NRG1: variants seen among roughly 807,000 people sequenced by gnomAD.
NRG1 encodes neuregulin 1.
In NRG1, 18 loss-of-function variants were observed where a neutral mutation model predicts 63.8. The observed-to-expected ratio is 0.28, with a 90% CI of 0.19 to 0.42. The LOEUF (loss-of-function observed/expected upper bound fraction) is 0.42. Among genes scored for constraint, NRG1 ranks in the 10% least tolerant of loss-of-function variants. The pLI is 1.00. For synonymous variants in NRG1, 302 were observed against 301.3 expected, an observed-to-expected ratio of 1.00 and a Z score of -0.02; for missense variants, 762 against 814.7, an observed-to-expected ratio of 0.94 and a Z score of 0.79.
In NRG1 at chr8:31,640,286, C is replaced by T; in HGVS notation, c.37+855C>T. The T allele has an allele frequency of 9.6e-7, 1 of 1,039,832 alleles. No homozygotes were observed. 64.4% of individuals were successfully genotyped at this position (1,039,832 alleles called of 1,614,324 possible). Reference sequence around the variant, plus strand: ...CAGCAGGGGGCACTCGACAGGAAGGCGGCGGCGGCGGCGGGCGAGGCAGGG... The same window carrying T: ...CAGCAGGGGGCACTCGACAGGAAGGTGGCGGCGGCGGCGGGCGAGGCAGGG... On this transcript the variant is annotated intron_variant, in intron 1 of 10. Coordinates refer to the NRG1 transcript ENST00000519301. This position sits in a 1 kb window ranked among gnomAD's most constrained non-coding sequence, Gnocchi z 6.3.
At chr8:31,648,599 C>T (rs1224466387) in intron 1 of NRG1, among the ~76,000 whole-genome samples, 2 of 152,160 alleles carry the variant, frequency 1.3e-5, no homozygotes, top group Non-Finnish European at 2.9e-5. Flanking sequence ...AAACACTATT[C>T]TACTGTTTGC....
At chr8:31,956,848 T>G (rs934758828) in intron 1 of NRG1, among the ~76,000 whole-genome samples, 5 of 152,220 alleles carry the variant, frequency 3.3e-5, no homozygotes, top group Non-Finnish European at 5.9e-5. Context: ...ATAAAAGATG[T>G]ATAATAATCT....
At position 32,629,226 on chromosome 8, in the gene NRG1, A is replaced by G. The variant is rs577505831; in HGVS notation, c.502+12341A>G. On this transcript the variant is annotated intron_variant, in intron 5 of 11. Coordinates refer to ENST00000356819, the Ensembl canonical transcript of NRG1. ...TCAAACCTTGTATTATTTTGTAGTT[A>G]TACTCAGATGTTAGACTATCTTCTA... 2.0e-5 allele frequency among the ~76,000 whole-genome samples: 3 copies of G among 152,302 alleles called. No individual in the cohort carries two copies. In the South Asian group the frequency reaches 6.2e-4, roughly 32 times the overall value.
At chr8:32,548,655 C>A in exon 1 of NRG1, 1 of 1,505,432 alleles carries the variant, frequency 6.6e-7, no homozygotes, top group East Asian at 2.6e-5. Flanking sequence ...TTTCCCAAAC[C>A]CGATCCGAGC....
chr8:31,678,436 T>G (rs571717356), intron 1 of NRG1, among the ~76,000 whole-genome samples: 7 of 152,250 alleles, frequency 4.6e-5, no homozygotes, highest in African/African-American at 1.7e-4. Context: ...ACCACCTTTG[T>G]GTCCATTGAA....
At chr8:32,103,643 T>A (rs1585312041) in intron 1 of NRG1, among the ~76,000 whole-genome samples, 1 of 152,344 alleles carries the variant, frequency 6.6e-6, no homozygotes, top group Non-Finnish European at 1.5e-5. Context: ...TCATTTACAT[T>A]CCTAGTGGCT....
chr8:32,156,235 G>C (rs1315198912), intron 1 of NRG1, among the ~76,000 whole-genome samples: 1 of 152,164 alleles, frequency 6.6e-6, no homozygotes, highest in East Asian at 1.9e-4. Context: ...GCTCCTCCAT[G>C]ATTTACCTAG....
At chr8:32,741,026 TC>T (rs1397671782) in intron 6 of NRG1, among the ~76,000 whole-genome samples, 1 of 152,120 alleles carries the variant, frequency 6.6e-6, no homozygotes, top group Non-Finnish European at 1.5e-5. Flanking sequence ...GTATATTGCT[TC>T]CTAGAACCTT....
intron 1 of NRG1, among the ~76,000 whole-genome samples, chr8:32,430,305 T>G (rs1377899441): frequency 6.6e-6 from 1 of 152,186 alleles, no homozygotes; most frequent in East Asian, 1.9e-4. Flanking sequence ...AAACAGGGAA[T>G]GTTATAATAT....
chr8:32,721,927 A>C, intron 5 of NRG1: 4 of 1,514,608 alleles, frequency 2.6e-6, no homozygotes, highest in Non-Finnish European at 3.5e-6. Context: ...CATTATACCT[A>C]ATTGCAAAGG....
At chr8:32,763,239 A>G (rs1831034325) in intron 11 of NRG1, 1 of 1,614,056 alleles carries the variant, frequency 6.2e-7, no homozygotes, top group Non-Finnish European at 8.5e-7. Context: ...TAGCTGAGCT[A>G]AGGAGAAACA....
At chr8:31,925,125 CAT>C (rs962426257) in intron 1 of NRG1, among the ~76,000 whole-genome samples, 3 of 5,494 alleles carry the variant, frequency 5.5e-4, no homozygotes, top group African/African-American at 5.7e-3. Context: ...TATATAATGA[CAT>C]ATATATGTGT....
At chr8:32,124,608 C>T (rs986969036) in intron 1 of NRG1, among the ~76,000 whole-genome samples, 3 of 151,956 alleles carry the variant, frequency 2.0e-5, no homozygotes, top group Admixed American at 1.3e-4. Context: ...TCCACTGACA[C>T]CCCCTTGTGC....
At chr8:31,714,678 C>T (rs141682615) in intron 1 of NRG1, among the ~76,000 whole-genome samples, 11 of 152,240 alleles carry the variant, frequency 7.2e-5, no homozygotes, top group African/African-American at 2.6e-4. Flanking sequence ...ATGCATCTAT[C>T]CATGTATCTA....
chr8:32,265,894 G>A (rs1364134089), intron 1 of NRG1, among the ~76,000 whole-genome samples: 3 of 151,996 alleles, frequency 2.0e-5, no homozygotes, highest in Non-Finnish European at 4.4e-5. Context: ...TATTTAGATA[G>A]CATTTATGTT....
intron 1 of NRG1, among the ~76,000 whole-genome samples, chr8:32,337,653 CAAAAAAAAAAAAAAAAAA>C (rs71208174): frequency 4.0e-5 from 1 of 24,704 alleles, no homozygotes; most frequent in Non-Finnish European, 7.4e-5. Context: ...AGAGTTATTG[CAAAAAAAAAAAAAAAAAA>C]AAAAAAAAAA....
At chr8:32,448,663 A>C (rs1447050390) in intron 1 of NRG1, among the ~76,000 whole-genome samples, 1 of 147,522 alleles carries the variant, frequency 6.8e-6, no homozygotes, top group Non-Finnish European at 1.5e-5. Flanking sequence ...TCCTACGTCA[A>C]TTAGCTATTT....
chr8:32,695,372 TGA>T (rs370235480), intron 5 of NRG1, among the ~76,000 whole-genome samples: 6 of 136,498 alleles, frequency 4.4e-5, no homozygotes, highest in Non-Finnish European at 3.2e-5. Context: ...AGAGAGAGGG[TGA>T]GAGAGAGAGA....
chr8:31,640,059 C>T lies in NRG1; in HGVS notation c.37+628C>T, dbSNP rs1803586367. The T allele has an allele frequency of 8.8e-7, 1 of 1,139,970 alleles. No individual in the cohort carries two copies. Among genetic ancestry groups the T allele is most frequent in the Non-Finnish European group, 1.1e-6 (1 of 930,590 alleles). The allele number at this position is 1,139,970 out of a possible 1,614,324, so 70.6% of individuals were successfully genotyped here. A position where few individuals can be genotyped will look rare whatever the true frequency, so the allele number is the denominator to read the frequency against. The stretch of plus-strand genomic sequence containing the variant: ...CCCAGCGCCCCGGCTCCGCCGCCCG[C>T]TCGTCGCCGCCGCTGCCGCTGCTGC... On this transcript the variant is annotated intron_variant, in intron 1 of 10. Transcript: ENST00000519301. The surrounding 1 kb of genome is among the most constrained non-coding windows in gnomAD (Gnocchi z 6.3).
Sources: gnomAD v4.1 joint callset for allele counts (sites outside exome capture counted in the v4.1 genomes callset) on GRCh38, gnomAD v4.1.1 for gene constraint, Gnocchi (gnomAD v3.1) non-coding constraint, MANE v1.5 for transcripts, NCBI Gene and HGNC (gene_info 2026-07-23, HGNC 2026-07-21) for gene names.